The following FSTL4 variants were observed in gnomAD, a reference collection of about 807,000 sequenced individuals.
The protein encoded by FSTL4 is follistatin like 4.
In FSTL4, 28 loss-of-function variants were observed where a neutral mutation model predicts 78.2. The observed-to-expected ratio is 0.36, with a 90% confidence interval of 0.27 to 0.49. The LOEUF (loss-of-function observed/expected upper bound fraction) is 0.49, where lower values mean the gene tolerates loss of function less well. Among genes scored for constraint, FSTL4 ranks in the 20% least tolerant of loss-of-function variants. FSTL4 has a pLI of 0.98. For synonymous variants in FSTL4, 422 were observed against 440.5 expected (o/e 0.96, Z 0.53); for missense variants, 922 against 1,084.9 (o/e 0.85, Z 2.11).
the FSTL4 span, among the ~76,000 whole-genome samples, chr5:133,823,318 A>G: frequency 6.6e-6 from 1 of 152,208 alleles, no homozygotes; most frequent in South Asian, 2.1e-4. Flanking sequence ...TGGTCCCCTG[A>G]GCAACAATTA....
At chr5:133,826,803 A>G in the FSTL4 span, among the ~76,000 whole-genome samples, 1 of 152,256 alleles carries the variant, frequency 6.6e-6, no homozygotes, top group Non-Finnish European at 1.5e-5. Context: ...ACCTAAGGGA[A>G]TAAAACAAGA....
At chr5:133,216,358 T>C (rs1341154733) in intron 13 of FSTL4, among the ~76,000 whole-genome samples, 3 of 151,696 alleles carry the variant, frequency 2.0e-5, no homozygotes, top group Non-Finnish European at 4.4e-5. Context: ...TGGTGTGATC[T>C]CGGCTCACTG....
intron 4 of FSTL4, among the ~76,000 whole-genome samples, chr5:133,334,357 A>G: frequency 6.6e-6 from 1 of 151,944 alleles, no homozygotes; most frequent in East Asian, 1.9e-4. Flanking sequence ...CTACCTGGGC[A>G]CCCCTCTAAG....
intron 3 of FSTL4, among the ~76,000 whole-genome samples, chr5:133,402,328 C>T (rs1756249878): frequency 6.6e-6 from 1 of 152,196 alleles, no homozygotes; most frequent in Non-Finnish European, 1.5e-5. Context: ...CCATCACCAA[C>T]ATCACACTGC....
At chr5:133,700,828 G>A in the FSTL4 span, among the ~76,000 whole-genome samples, 1 of 152,186 alleles carries the variant, frequency 6.6e-6, no homozygotes, top group Non-Finnish European at 1.5e-5. Context: ...TCTTTGAAGG[G>A]ACCCAGGTAT....
At chr5:133,336,085 G>A in intron 4 of FSTL4, among the ~76,000 whole-genome samples, 1 of 152,224 alleles carries the variant, frequency 6.6e-6, no homozygotes, top group East Asian at 1.9e-4. Context: ...CTAGATCCCA[G>A]ATTGAACATA....
At chr5:133,287,866 C>T (rs1210087365) in intron 6 of FSTL4, among the ~76,000 whole-genome samples, 1 of 152,228 alleles carries the variant, frequency 6.6e-6, no homozygotes, top group South Asian at 2.1e-4. Flanking sequence ...CCACCTCCTC[C>T]AGGGAGCCTG....
chr5:133,685,491 A>G, the FSTL4 span, among the ~76,000 whole-genome samples: 1 of 152,234 alleles, frequency 6.6e-6, no homozygotes, highest in Admixed American at 6.5e-5. Flanking sequence ...GATGTGCAGA[A>G]TGTAGTGATG....
the FSTL4 span, among the ~76,000 whole-genome samples, chr5:133,734,455 T>A: frequency 1.3e-5 from 2 of 151,872 alleles, no homozygotes; most frequent in African/African-American, 4.8e-5. Context: ...CCAGCAAAAA[T>A]TAAAAGAAAG....
chr5:133,601,276 C>T (rs754604937), intron 2 of FSTL4, among the ~76,000 whole-genome samples: 2 of 152,184 alleles, frequency 1.3e-5, no homozygotes, highest in Non-Finnish European at 2.9e-5. Context: ...CATCAAACCT[C>T]TATTTTGCTT....
At chr5:133,775,176 T>C in the FSTL4 span, among the ~76,000 whole-genome samples, 1 of 152,222 alleles carries the variant, frequency 6.6e-6, no homozygotes, top group South Asian at 2.1e-4. Context: ...AACTTCTCTA[T>C]TATTTGGTGA....
At chr5:133,466,436 G>A (rs1041270327) in intron 3 of FSTL4, among the ~76,000 whole-genome samples, 1 of 152,128 alleles carries the variant, frequency 6.6e-6, no homozygotes, top group African/African-American at 2.4e-5. Flanking sequence ...CAGCTACTCG[G>A]GAGGCTGAGG....
chr5:133,446,043 G>T lies in FSTL4; in HGVS notation c.161-45057C>A, dbSNP rs1430120076. Among the ~76,000 whole-genome samples the T allele has an allele frequency of 2.0e-5, 3 of 152,164 alleles. No individual in the cohort carries two copies. In the East Asian group the frequency reaches 5.8e-4, roughly 29 times the overall value. ...ATTTCCCCAAGTGATTGATTGTAGG[G>T]TATAAAAATGATGGCAGTCATGACC... On this transcript the variant is annotated intron_variant, in intron 3 of 15. Coordinates refer to ENST00000265342, the MANE Select transcript of FSTL4 (RefSeq NM_015082.2).
chr5:133,465,220 T>C (rs1402953846), intron 3 of FSTL4, among the ~76,000 whole-genome samples: 2 of 152,228 alleles, frequency 1.3e-5, no homozygotes, highest in Non-Finnish European at 2.9e-5. Flanking sequence ...CTCCTTTCTT[T>C]GCCTGGTGTT....
At chr5:133,645,165 C>T in the FSTL4 span, among the ~76,000 whole-genome samples, 226 of 152,266 alleles carry the variant, frequency 1.5e-3, 1 homozygote, top group African/African-American at 4.8e-3. Flanking sequence ...TTCGAAATCC[C>T]GATACATCTG....
At chr5:133,647,611 G>A in the FSTL4 span, among the ~76,000 whole-genome samples, 1 of 152,188 alleles carries the variant, frequency 6.6e-6, no homozygotes, top group African/African-American at 2.4e-5. Flanking sequence ...ATAGCACACA[G>A]CTAAGAACCA....
chr5:133,375,215 G>T (rs1362533824), intron 4 of FSTL4, among the ~76,000 whole-genome samples: 1 of 143,756 alleles, frequency 7.0e-6, no homozygotes, highest in Non-Finnish European at 1.5e-5. Flanking sequence ...ACAATGGTTT[G>T]ACTTACTGTT....
chr5:133,409,133 C>T (rs1027280913), intron 3 of FSTL4, among the ~76,000 whole-genome samples: 3 of 152,178 alleles, frequency 2.0e-5, no homozygotes, highest in Non-Finnish European at 4.4e-5. Context: ...TTATAAACTC[C>T]GCCTGGCTTC....
intron 4 of FSTL4, among the ~76,000 whole-genome samples, chr5:133,329,995 CAAGAATCATT>C (rs2126906926): frequency 6.6e-6 from 1 of 152,290 alleles, no homozygotes; most frequent in African/African-American, 2.4e-5. Context: ...ACTATTTTAT[CAAGAATCATT>C]CACCATTTTG....
Sources: allele counts gnomAD v4.1 joint callset (sites outside exome capture counted in the v4.1 genomes callset), GRCh38; gene constraint gnomAD v4.1.1; transcripts MANE v1.5; gene names NCBI Gene and HGNC (gene_info 2026-07-23, HGNC 2026-07-21).